The following KCNQ1 variants were observed in gnomAD, a reference collection of about 807,000 sequenced individuals.
KCNQ1 encodes potassium voltage-gated channel subfamily KQT member 1.
A neutral mutation model predicts 72.4 loss-of-function variants in KCNQ1; 49 were observed. The observed-to-expected ratio is 0.68, with a 90% CI of 0.54 to 0.86. KCNQ1 has a LOEUF of 0.86. KCNQ1 is among the 40% of genes least tolerant of loss of function. The pLI is 0.00. For missense variants in KCNQ1, 790 were observed against 945.1 expected (o/e 0.84, Z 2.15); for synonymous variants, 450 against 412.6 (o/e 1.09, Z -1.10).
chr11:2,663,088 C>T lies in KCNQ1; in HGVS notation c.1514+1007C>T, dbSNP rs2133857924. On this transcript the variant is annotated intron_variant, in intron 11 of 15. Coordinates refer to ENST00000155840, the MANE Select transcript of KCNQ1 (RefSeq NM_000218.3). This position sits in a 1 kb window ranked among gnomAD's most constrained non-coding sequence, Gnocchi z 5.2. ...GGGTTGGGTAGCCAGAATGAGGCCA[C>T]CTCCAGGGAAGGAGTGGCTATCTTA... is the stretch of plus-strand genomic sequence containing the variant. 1 of 398,676 alleles carries T rather than the reference C, an allele frequency of 2.5e-6. No homozygotes were observed. 24.7% of individuals were successfully genotyped at this position (398,676 alleles called of 1,614,324 possible).
chr11:2,663,360 G>T lies in KCNQ1; in HGVS notation c.1514+1279G>T. ...GAGCAGGCTGGTAGCCAGATGGGCT[G>T]CCCAGGTACAGGTCAGCACCAGAAG... On this transcript the variant is annotated intron_variant, in intron 11 of 15. Coordinates refer to ENST00000155840, the MANE Select transcript of KCNQ1 (RefSeq NM_000218.3). The surrounding 1 kb of genome is among the most constrained non-coding windows in gnomAD (Gnocchi z 5.2). The T allele has an allele frequency of 2.5e-6, 1 of 398,820 alleles. No homozygotes were observed. The highest frequency in any genetic ancestry group is 4.4e-6 in the Non-Finnish European group (1 of 226,210). 24.7% of individuals were successfully genotyped at this position (398,820 alleles called of 1,614,324 possible). A position where few individuals can be genotyped will look rare whatever the true frequency, so the allele number is the denominator to read the frequency against.
In KCNQ1 at chr11:2,645,847, G is replaced by T. The variant is rs556782003; in HGVS notation, c.1394-16114G>T. 2.5e-5 allele frequency: 10 copies of T among 398,548 alleles called. No individual in the cohort carries two copies. The highest frequency in any genetic ancestry group is 4.0e-5 in the Non-Finnish European group (9 of 226,144). 24.7% of individuals were successfully genotyped at this position (398,548 alleles called of 1,614,324 possible). ...CCTGAAGTTGCCTGAGGATTCAGGGGATGTGTGAATTGCCTGAGGATTCAG... is the reference window on the plus strand; with the variant it reads ...CCTGAAGTTGCCTGAGGATTCAGGGTATGTGTGAATTGCCTGAGGATTCAG... On this transcript the variant is annotated intron_variant, in intron 10 of 15. Transcript: ENST00000155840. The surrounding 1 kb of genome is among the most constrained non-coding windows in gnomAD (Gnocchi z 5.8).
Position 2,827,756 on chromosome 11 carries a change from G to A in KCNQ1, c.1795-20011G>A, listed in dbSNP as rs1847869170. On this transcript the variant is annotated intron_variant, in intron 15 of 15. Coordinates refer to ENST00000155840, the MANE Select transcript of KCNQ1 (RefSeq NM_000218.3). This position sits in a 1 kb window ranked among gnomAD's most constrained non-coding sequence, Gnocchi z 6.7. ...ACTCAGATAGGAGTTGGGCGCTTGA[G>A]GGAGGAAATGGGGGTACACTTCAGC... Among the ~76,000 whole-genome samples, 1 of 152,212 alleles carries A rather than the reference G, an allele frequency of 6.6e-6. No homozygotes were observed. The highest frequency in any genetic ancestry group is 2.4e-5 in the African/African-American group (1 of 41,458).
At chr11:2,527,612 GC>G (rs528588733) in intron 1 of KCNQ1, among the ~76,000 whole-genome samples, 1 of 152,368 alleles carries the variant, frequency 6.6e-6, no homozygotes, top group East Asian at 1.9e-4. Flanking sequence ...TGTGGCTCTG[GC>G]TGTCCAGGGC....
At chr11:2,496,343 A>G (rs960735281) in intron 1 of KCNQ1, among the ~76,000 whole-genome samples, 1 of 152,036 alleles carries the variant, frequency 6.6e-6, no homozygotes, top group Non-Finnish European at 1.5e-5. Context: ...AGGCTGAGGC[A>G]GGAGAATGGC....
chr11:2,622,491 A>C (rs1004402476), intron 10 of KCNQ1: 8 of 398,316 alleles, frequency 2.0e-5, no homozygotes, highest in Non-Finnish European at 3.1e-5. Context: ...TTTTCTTTTA[A>C]ATCCATTCTG....
chr11:2,773,931 A>T (rs972926859), intron 12 of KCNQ1, among the ~76,000 whole-genome samples: 1 of 151,842 alleles, frequency 6.6e-6, no homozygotes, highest in Non-Finnish European at 1.5e-5. Flanking sequence ...TAAAGAAGAG[A>T]GAGACAGGGT....
intron 11 of KCNQ1, chr11:2,666,968 G>C: frequency 2.5e-6 from 1 of 398,722 alleles, no homozygotes; most frequent in Non-Finnish European, 4.4e-6. Flanking sequence ...AAGCCCTCTG[G>C]GGGCCCGCCC....
intron 15 of KCNQ1, among the ~76,000 whole-genome samples, chr11:2,791,559 T>C (rs958260016): frequency 1.3e-5 from 2 of 151,516 alleles, no homozygotes; most frequent in African/African-American, 4.9e-5. Flanking sequence ...GGAGGGGACC[T>C]GGCCGTGCCG....
At chr11:2,805,352 C>T (rs1301866085) in intron 15 of KCNQ1, among the ~76,000 whole-genome samples, 3 of 152,142 alleles carry the variant, frequency 2.0e-5, no homozygotes, top group Non-Finnish European at 2.9e-5. Flanking sequence ...CAGCCGACGA[C>T]GGAGAGGGAC....
chr11:2,699,991 T>C (rs1056107927), intron 11 of KCNQ1: 27 of 398,102 alleles, frequency 6.8e-5, no homozygotes, highest in African/African-American at 3.3e-4. Context: ...GCGGCGACCG[T>C]TCTGCCTGGA....
In KCNQ1 at chr11:2,704,693, T is replaced by C. The variant is rs1456261533; in HGVS notation, c.1514+42612T>C. Reference sequence around the variant, plus strand: ...CACCCAGTGAGAGAGATGGGAGGGTTGGAGAAAGCGAGCATCTGTGGAGGT... The same window carrying C: ...CACCCAGTGAGAGAGATGGGAGGGTCGGAGAAAGCGAGCATCTGTGGAGGT... On this transcript the variant is annotated intron_variant, in intron 11 of 15. Coordinates refer to ENST00000155840, the MANE Select transcript of KCNQ1 (RefSeq NM_000218.3). The surrounding 1 kb of genome is among the most constrained non-coding windows in gnomAD (Gnocchi z 4.3). Among the ~76,000 whole-genome samples, 1 of 152,112 alleles carries C rather than the reference T, an allele frequency of 6.6e-6. No individual in the cohort carries two copies. Among genetic ancestry groups the C allele is most frequent in the Admixed American group, 6.5e-5 (1 of 15,268 alleles).
At chr11:2,558,532 C>T (rs1356711962) in intron 2 of KCNQ1, among the ~76,000 whole-genome samples, 2 of 152,220 alleles carry the variant, frequency 1.3e-5, no homozygotes, top group Non-Finnish European at 2.9e-5. Context: ...CGCCATCTGC[C>T]TCTCCCACCC....
At chr11:2,788,675 A>G (rs972070951) in intron 15 of KCNQ1, among the ~76,000 whole-genome samples, 3 of 152,142 alleles carry the variant, frequency 2.0e-5, no homozygotes, top group Admixed American at 6.5e-5. Flanking sequence ...AGAAGCCGTC[A>G]TTAGTTTGCT....
intron 9 of KCNQ1, 95 bp downstream of exon 9, chr11:2,587,787 T>C (rs1848616090): frequency 3.2e-6 from 5 of 1,542,064 alleles, no homozygotes; most frequent in Non-Finnish European, 4.5e-6. Flanking sequence ...TCACCATGCA[T>C]TTGGCTTGGT....
chr11:2,519,339 G>T (rs1847340567), intron 1 of KCNQ1, among the ~76,000 whole-genome samples: 1 of 152,246 alleles, frequency 6.6e-6, no homozygotes, highest in South Asian at 2.1e-4. Flanking sequence ...GACACCAGTG[G>T]GCGTGGACGT....
rs1158823189 is a variant in KCNQ1, at chr11:2,720,653, T to G, written c.1515-48191T>G. On this transcript the variant is annotated intron_variant, in intron 11 of 15. Transcript: ENST00000155840. The surrounding 1 kb of genome is among the most constrained non-coding windows in gnomAD (Gnocchi z 5.1). ...TCAAGGCTGAAGAGGGGAGCCTCCT[T>G]GGCCACTGAAACGGAAACAGCATTA... Among the ~76,000 whole-genome samples the G allele has an allele frequency of 1.3e-5, 2 of 152,126 alleles. No individual in the cohort carries two copies. The highest frequency in any genetic ancestry group is 4.8e-5 in the African/African-American group (2 of 41,432).
intron 1 of KCNQ1, among the ~76,000 whole-genome samples, chr11:2,453,303 G>A (rs113086769): frequency 6.6e-6 from 1 of 152,170 alleles, no homozygotes. Flanking sequence ...AACCCGGGAG[G>A]TGGAGGTTGC....
chr11:2,744,082 G>A (rs1231530737), intron 11 of KCNQ1, among the ~76,000 whole-genome samples: 2 of 152,212 alleles, frequency 1.3e-5, no homozygotes, highest in African/African-American at 4.8e-5. Flanking sequence ...CGGTACCCAT[G>A]GTACCTTCAC....
Sources: gnomAD v4.1 joint callset for allele counts (sites outside exome capture counted in the v4.1 genomes callset) on GRCh38, gnomAD v4.1.1 for gene constraint, Gnocchi (gnomAD v3.1) non-coding constraint, MANE v1.5 for transcripts, NCBI Gene and HGNC (gene_info 2026-07-23, HGNC 2026-07-21) for gene names.